The following CAMKK2 variants were observed in gnomAD, a reference collection of about 807,000 sequenced individuals.
The protein encoded by CAMKK2 is calcium/calmodulin-dependent protein kinase kinase 2.
A neutral mutation model predicts 67.2 loss-of-function variants in CAMKK2; 30 were observed. The ratio of observed to expected loss-of-function variants is 0.45; its 90% confidence interval spans 0.33 to 0.61. The LOEUF is 0.61. Among genes scored for constraint, CAMKK2 ranks in the 20% least tolerant of loss-of-function variants. CAMKK2 has a pLI of 0.02. For synonymous variants in CAMKK2, 322 were observed against 326.2 expected, an observed-to-expected ratio of 0.99 and a Z score of 0.14; for missense variants, 643 against 802.0, an observed-to-expected ratio of 0.80 and a Z score of 2.39.
intron 9 of CAMKK2, among the ~76,000 whole-genome samples, 180 bp downstream of exon 9, chr12:121,255,370 A>T (rs563057180): frequency 0.02 from 608 of 29,726 alleles, 108 homozygotes; most frequent in Middle Eastern, 0.038. Context: ...ATATAATTTT[A>T]TATATATAAT....
intron 7 of CAMKK2, among the ~76,000 whole-genome samples, chr12:121,257,991 T>A (rs1892683617): frequency 6.6e-6 from 1 of 151,854 alleles, no homozygotes; most frequent in Admixed American, 6.6e-5. Context: ...GGGAATTTTT[T>A]AACCTCTAGA....
At chr12:121,277,529 C>T (rs1172741407) in intron 1 of CAMKK2, among the ~76,000 whole-genome samples, 2 of 152,180 alleles carry the variant, frequency 1.3e-5, no homozygotes, top group Non-Finnish European at 2.9e-5. Flanking sequence ...AGCCATACAA[C>T]AGAATACTAT....
chr12:121,266,841 A>G (rs1257367499), intron 5 of CAMKK2, among the ~76,000 whole-genome samples: 2 of 151,922 alleles, frequency 1.3e-5, no homozygotes, highest in Non-Finnish European at 1.5e-5. Context: ...CATTTTGCCC[A>G]GCAATGCTGG....
At chr12:121,246,373 G>A (rs2668247) in intron 14 of CAMKK2, among the ~76,000 whole-genome samples, 2 of 151,370 alleles carry the variant, frequency 1.3e-5, no homozygotes, top group Non-Finnish European at 1.5e-5. Context: ...TGGAGAAACC[G>A]CGTCTCCACT....
rs576741725 is a variant in CAMKK2, at chr12:121,246,441, G to A, written c.1453-1201C>T. Among the ~76,000 whole-genome samples the A allele has an allele frequency of 5.3e-5, 8 of 152,132 alleles. No individual in the cohort carries two copies. The South Asian group carries it at 1.7e-3, about 32-fold the overall frequency. ...GGCACCTGTCATCCCAGCTACATGG[G>A]AGGCTGAGGCAGAAGAATTGCTTGA... On this transcript the variant is annotated intron_variant, in intron 14 of 16. Transcript: ENST00000404169.
Position 121,244,567 on chromosome 12 carries a change from C to A in CAMKK2, c.1596+6G>T, listed in dbSNP as rs371270887. Reference sequence around the variant, plus strand: ...AGAGGCTACGGCACAGGCAGGCGGGCGTTACCTTGAGCTCAGACAGGGACT... The same window carrying A: ...AGAGGCTACGGCACAGGCAGGCGGGAGTTACCTTGAGCTCAGACAGGGACT... On this transcript the variant is annotated splice_donor_region_variant and intron_variant, in intron 16 of 16. Transcript: ENST00000404169. 25 of 1,557,746 alleles carry A rather than the reference C, an allele frequency of 1.6e-5. 1 individual carries two copies. The East Asian group carries it at 4.6e-4, about 28-fold the overall frequency.
intron 1 of CAMKK2, among the ~76,000 whole-genome samples, chr12:121,287,807 C>A (rs1352754215): frequency 6.6e-6 from 1 of 151,904 alleles, no homozygotes; most frequent in East Asian, 1.9e-4. Flanking sequence ...CATCACCACA[C>A]AAAAAAATGT....
At chr12:121,295,712 T>C (rs1901011058) in intron 1 of CAMKK2, among the ~76,000 whole-genome samples, 1 of 152,048 alleles carries the variant, frequency 6.6e-6, no homozygotes, top group African/African-American at 2.4e-5. Flanking sequence ...CAGGTATCCC[T>C]CTCTTGCTGA....
At chr12:121,272,911 C>G (rs1277526444) in intron 2 of CAMKK2, among the ~76,000 whole-genome samples, 1 of 151,890 alleles carries the variant, frequency 6.6e-6, no homozygotes, top group Non-Finnish European at 1.5e-5. Flanking sequence ...AGAAAGGCAT[C>G]CTGATGTTGG....
At chr12:121,249,195 C>T (rs745997768) in intron 13 of CAMKK2, among the ~76,000 whole-genome samples, 1 of 152,206 alleles carries the variant, frequency 6.6e-6, no homozygotes, top group Non-Finnish European at 1.5e-5. Context: ...CCCTTGGGTC[C>T]AAGCCCCAAT....
intron 1 of CAMKK2, among the ~76,000 whole-genome samples, chr12:121,276,898 GGGGT>G (rs1314664856): frequency 1.1e-4 from 12 of 108,424 alleles, no homozygotes; most frequent in African/African-American, 4.6e-4. Context: ...AAAAAAGGGC[GGGGT>G]GGGGGGGGGG....
chr12:121,292,673 A>G (rs540757379), intron 1 of CAMKK2, among the ~76,000 whole-genome samples: 56 of 152,340 alleles, frequency 3.7e-4, no homozygotes, highest in African/African-American at 1.2e-3. Context: ...AAAACATGGA[A>G]GAAAAATAGC....
At chr12:121,265,898 C>G (rs1457871807) in intron 5 of CAMKK2, among the ~76,000 whole-genome samples, 2 of 151,798 alleles carry the variant, frequency 1.3e-5, no homozygotes, top group African/African-American at 4.8e-5. Context: ...GCTGTCTAGC[C>G]CCTCTGCCAT....
chr12:121,269,076 G>A (rs1468809967), intron 4 of CAMKK2, among the ~76,000 whole-genome samples: 2 of 143,950 alleles, frequency 1.4e-5, no homozygotes, highest in East Asian at 3.9e-4. Context: ...TTTTACACAT[G>A]GGGAAACTGA....
chr12:121,255,603 G>A lies in CAMKK2; in HGVS notation c.854C>T (p.Ser285Phe). The A allele has an allele frequency of 6.2e-7, 1 of 1,613,098 alleles. No homozygotes were observed. The highest frequency in any genetic ancestry group is 1.1e-5 in the South Asian group (1 of 90,934). ...GAAGTAGAAACGGGCCTGGTCTTCAGAGAGTGGTTTGAGGGTGGGCACTTC... is the reference window on the plus strand; with the variant it reads ...GAAGTAGAAACGGGCCTGGTCTTCAAAGAGTGGTTTGAGGGTGGGCACTTC... ...VMEVPTLKPL[S>F]EDQARFYFQD... The change falls in exon 9 of 17, where the codon TCT (serine) becomes TTT (phenylalanine). Residue 285 changes from serine to phenylalanine, a missense_variant. By Grantham distance (155) the Ser-to-Phe change is radical. Coordinates refer to ENST00000404169, the MANE Select transcript of CAMKK2 (RefSeq NM_001270485.2).
rs757219573 is a variant in CAMKK2 at position 121,240,763 on chromosome 12, G to A, written c.1703C>T (p.Pro568Leu). ...GSPCVESCWA[P>L]APGSPARMHP... ...CATGCGTGCGGGGGAGCCGGGGGCGGGGGCCCAGCAACTTTCCACGCAGGG... is the reference window on the plus strand; with the variant it reads ...CATGCGTGCGGGGGAGCCGGGGGCGAGGGCCCAGCAACTTTCCACGCAGGG... Residue 568 changes from proline (P) to leucine (L), a missense_variant, in exon 17 of 17, where the codon CCC (proline) becomes CTC (leucine). Physicochemically the swap from Pro to Leu is moderately conservative, Grantham distance 98 (BLOSUM62 -3). Around this residue, in one of 3 missense-constraint regions of CAMKK2, gnomAD observed 140 missense variants for 124.2 expected, o/e 1.13. Transcript: ENST00000404169. This position sits in a 1 kb window ranked among gnomAD's most constrained non-coding sequence, Gnocchi z 4.4. 1.2e-6 allele frequency: 2 copies of A among 1,608,912 alleles called. No homozygotes were observed. The highest frequency in any genetic ancestry group is 8.5e-7 in the Non-Finnish European group (1 of 1,178,886).
chr12:121,240,943 A>C lies in CAMKK2; in HGVS notation c.1597-74T>G. On this transcript the variant is annotated intron_variant, in intron 16 of 16. Coordinates refer to ENST00000404169, the MANE Select transcript of CAMKK2 (RefSeq NM_001270485.2). This position sits in a 1 kb window ranked among gnomAD's most constrained non-coding sequence, Gnocchi z 4.4. Reference sequence around the variant, plus strand: ...GAGGCCCTGAGCCAGCTGCTCCCACATCTGGGCCCCCTGCCCAAGTGGGCC... The same window carrying C: ...GAGGCCCTGAGCCAGCTGCTCCCACCTCTGGGCCCCCTGCCCAAGTGGGCC... 3 of 1,506,946 alleles carry C rather than the reference A, an allele frequency of 2.0e-6. No homozygotes were observed. Among genetic ancestry groups the C allele is most frequent in the Non-Finnish European group, 2.7e-6 (3 of 1,103,794 alleles). 93.3% of individuals were successfully genotyped at this position (1,506,946 alleles called of 1,614,324 possible). A position where few individuals can be genotyped will look rare whatever the true frequency, so the allele number is the denominator to read the frequency against.
intron 1 of CAMKK2, among the ~76,000 whole-genome samples, chr12:121,292,022 C>A (rs1900122606): frequency 6.6e-6 from 1 of 151,844 alleles, no homozygotes; most frequent in Non-Finnish European, 1.5e-5. Flanking sequence ...CGCCACTGCA[C>A]TCCAGCCTGG....
chr12:121,255,220 TTATATATATATAATTTTATA>T (rs1436818043), intron 9 of CAMKK2, among the ~76,000 whole-genome samples: 1,634 of 5,852 alleles, frequency 0.28, 305 homozygotes, highest in African/African-American at 0.51. Context: ...ATATATAATT[TTATATATATATAATTTTATA>T]TATATATAAT....
Sources: gnomAD v4.1 joint callset for allele counts (sites outside exome capture counted in the v4.1 genomes callset) on GRCh38, gnomAD v4.1.1 for gene constraint, gnomAD v4.1.1 regional missense constraint, Gnocchi (gnomAD v3.1) non-coding constraint, MANE v1.5 for transcripts, NCBI Gene and HGNC (gene_info 2026-07-23, HGNC 2026-07-21) for gene names.